The following RSRC1 variants were observed in gnomAD, a reference collection of about 807,000 sequenced individuals.
The protein encoded by RSRC1 is serine/Arginine-related protein 53.
A neutral mutation model predicts 49.1 loss-of-function variants in RSRC1; 39 were observed. That is an observed-to-expected ratio of 0.79 (90% CI 0.61 to 1.04). The LOEUF is 1.04. RSRC1 is among the 50% of genes least tolerant of loss of function. The pLI is 0.00. For missense variants in RSRC1, 388 were observed against 402.4 expected (o/e 0.96, Z 0.31); for synonymous variants, 143 against 130.8 (o/e 1.09, Z -0.63).
chr3:158,285,876 CTCTT>C (rs1448657654), intron 4 of RSRC1, among the ~76,000 whole-genome samples: 4 of 152,186 alleles, frequency 2.6e-5, no homozygotes, highest in Admixed American at 1.3e-4. Context: ...TAATTGAATA[CTCTT>C]TATTTCCCTC....
intron 6 of RSRC1, among the ~76,000 whole-genome samples, chr3:158,413,929 A>T (rs1358324448): frequency 6.6e-6 from 1 of 152,192 alleles, no homozygotes; most frequent in Non-Finnish European, 1.5e-5. Flanking sequence ...CAGTGTGGAG[A>T]TTCCTCAAAG....
In RSRC1 at chr3:158,122,439, T is replaced by G. The variant is rs193062404; in HGVS notation, c.194+141T>G. 15 of 595,802 alleles carry G rather than the reference T, an allele frequency of 2.5e-5. No homozygotes were observed. The African/African-American group carries it at 2.9e-4, about 12-fold the overall frequency. The allele number at this position is 595,802 out of a possible 1,614,324, so 36.9% of individuals were successfully genotyped here. ...ATGAAAGTCCCAACCCAGAGTTTTTTTGTTCCACCAGGTCCAGTCCGTGGG... is the reference window on the plus strand; with the variant it reads ...ATGAAAGTCCCAACCCAGAGTTTTTGTGTTCCACCAGGTCCAGTCCGTGGG... On this transcript the variant is annotated intron_variant, in intron 2 of 9. Transcript: ENST00000611884.
chr3:158,127,973 C>A (rs1715743769), intron 3 of RSRC1, among the ~76,000 whole-genome samples: 1 of 152,142 alleles, frequency 6.6e-6, no homozygotes, highest in South Asian at 2.1e-4. Context: ...GCATGTACTT[C>A]ACTCTTCTCT....
intron 4 of RSRC1, among the ~76,000 whole-genome samples, chr3:158,295,881 C>T (rs1727206853): frequency 6.6e-6 from 1 of 152,078 alleles, no homozygotes; most frequent in Admixed American, 6.6e-5. Flanking sequence ...GTGGCAGACA[C>T]AGTTGACAGC....
intron 6 of RSRC1, among the ~76,000 whole-genome samples, chr3:158,391,284 G>T (rs1295921681): frequency 6.6e-6 from 1 of 152,036 alleles, no homozygotes; most frequent in Non-Finnish European, 1.5e-5. Flanking sequence ...GTACTGCAAT[G>T]AATCATAATT....
chr3:158,384,961 G>A (rs1486944739), intron 6 of RSRC1, among the ~76,000 whole-genome samples: 1 of 152,112 alleles, frequency 6.6e-6, no homozygotes, highest in African/African-American at 2.4e-5. Context: ...TCAGTCAGCA[G>A]TTCCAGATAG....
At chr3:158,146,092 T>C (rs1717092655) in intron 3 of RSRC1, among the ~76,000 whole-genome samples, 1 of 152,086 alleles carries the variant, frequency 6.6e-6, no homozygotes, top group Non-Finnish European at 1.5e-5. Flanking sequence ...GAATTTGACT[T>C]CTCTTTTCCT....
In RSRC1 at chr3:158,300,184, G is replaced by T. The variant is rs114266961; in HGVS notation, c.531+2109G>T. 8.9e-3 allele frequency among the ~76,000 whole-genome samples: 1,349 copies of T among 152,248 alleles called. 22 individuals are homozygous for T. Among genetic ancestry groups the T allele is most frequent in the African/African-American group, 0.032 (1,312 of 41,540 alleles). On this transcript the variant is annotated intron_variant, in intron 5 of 9. Coordinates refer to ENST00000611884, the MANE Select transcript of RSRC1 (RefSeq NM_001271838.2). ...TCATATACCTCAAATATATTTCAAA[G>T]ATAAGCATTTTGGGAATAAAGAGCC...
intron 4 of RSRC1, among the ~76,000 whole-genome samples, chr3:158,247,574 G>A (rs1274698578): frequency 2.0e-5 from 3 of 151,400 alleles, no homozygotes; most frequent in Non-Finnish European, 4.4e-5. Flanking sequence ...ATGGGGTTTT[G>A]TGGTTTTTCT....
At chr3:158,440,198 G>A (rs917537864) in intron 6 of RSRC1, among the ~76,000 whole-genome samples, 1 of 149,636 alleles carries the variant, frequency 6.7e-6, no homozygotes, top group African/African-American at 2.4e-5. Context: ...AAAGTTCTTC[G>A]TGTTTGAAGT....
chr3:158,340,130 A>G (rs1730144668), intron 5 of RSRC1, among the ~76,000 whole-genome samples: 1 of 151,790 alleles, frequency 6.6e-6, no homozygotes, highest in South Asian at 2.1e-4. Context: ...ATCCAGGGGG[A>G]GGTAATTGAA....
intron 4 of RSRC1, among the ~76,000 whole-genome samples, chr3:158,229,323 C>A (rs1722791671): frequency 6.8e-6 from 1 of 147,546 alleles, no homozygotes; most frequent in Non-Finnish European, 1.5e-5. Flanking sequence ...TATAAACATA[C>A]ACAGGTATAT....
chr3:158,439,465 C>T (rs1377776295), intron 6 of RSRC1, among the ~76,000 whole-genome samples: 1 of 152,038 alleles, frequency 6.6e-6, no homozygotes, highest in Non-Finnish European at 1.5e-5. Context: ...ACATATACAC[C>T]ATGGAATACT....
chr3:158,252,858 C>T (rs1020588529), intron 4 of RSRC1, among the ~76,000 whole-genome samples: 1 of 152,024 alleles, frequency 6.6e-6, no homozygotes, highest in Non-Finnish European at 1.5e-5. Flanking sequence ...CTAGGTTTTC[C>T]AATTTCTTGG....
intron 6 of RSRC1, among the ~76,000 whole-genome samples, chr3:158,365,609 C>T (rs1731719322): frequency 6.6e-6 from 1 of 152,158 alleles, no homozygotes; most frequent in Non-Finnish European, 1.5e-5. Context: ...AGTAAACATA[C>T]ATGTGCATGT....
At chr3:158,326,303 G>C (rs1042280047) in intron 5 of RSRC1, among the ~76,000 whole-genome samples, 2 of 152,158 alleles carry the variant, frequency 1.3e-5, no homozygotes, top group African/African-American at 4.8e-5. Context: ...TCCATGTCTT[G>C]TGCCGGTTTT....
chr3:158,493,513 A>G (rs552594658), intron 7 of RSRC1, among the ~76,000 whole-genome samples: 55 of 152,310 alleles, frequency 3.6e-4, no homozygotes, highest in African/African-American at 1.2e-3. Flanking sequence ...GAGTCAAATT[A>G]GAGAAAATAG....
intron 4 of RSRC1, among the ~76,000 whole-genome samples, chr3:158,242,434 T>C (rs1234359969): frequency 6.6e-6 from 1 of 152,242 alleles, no homozygotes; most frequent in African/African-American, 2.4e-5. Context: ...AACCACATTT[T>C]CTTTATCCAA....
intron 4 of RSRC1, among the ~76,000 whole-genome samples, chr3:158,269,741 G>A (rs528734508): frequency 6.6e-6 from 1 of 152,088 alleles, no homozygotes; most frequent in African/African-American, 2.4e-5. Flanking sequence ...TTGATCTCTT[G>A]ACCTCGTGAT....
Sources: gnomAD v4.1 joint callset for allele counts (sites outside exome capture counted in the v4.1 genomes callset) on GRCh38, gnomAD v4.1.1 for gene constraint, MANE v1.5 for transcripts, NCBI Gene and HGNC (gene_info 2026-07-23, HGNC 2026-07-21) for gene names.